Variants in STX7 observed in about 807,000 individuals in gnomAD.
STX7 encodes the protein syntaxin-7.
In STX7, 34 loss-of-function variants were observed where a neutral mutation model predicts 39.6. The observed-to-expected ratio is 0.86, with a 90% CI of 0.65 to 1.14. The LOEUF (loss-of-function observed/expected upper bound fraction) is 1.14. STX7 is among the 50% of genes most tolerant of loss of function. STX7 has a pLI of 0.00. For synonymous variants in STX7, 119 were observed against 99.1 expected (o/e 1.20, Z -1.19); for missense variants, 284 against 310.4 (o/e 0.92, Z 0.64).
chr6:132,505,770 G>C, intron 1 of STX7, among the ~76,000 whole-genome samples: 1 of 121,156 alleles, frequency 8.3e-6, no homozygotes, highest in Admixed American at 8.2e-5. Context: ...AAAAACACAG[G>C]TTTTGAATAG....
chr6:132,485,708 G>C (rs1775116699), intron 2 of STX7, among the ~76,000 whole-genome samples: 1 of 152,108 alleles, frequency 6.6e-6, no homozygotes, highest in Non-Finnish European at 1.5e-5. Flanking sequence ...TGCCAAATAG[G>C]TTAATAGTGG....
At chr6:132,501,409 G>A (rs1423918837) in intron 2 of STX7, among the ~76,000 whole-genome samples, 1 of 152,074 alleles carries the variant, frequency 6.6e-6, no homozygotes, top group Non-Finnish European at 1.5e-5. Flanking sequence ...ATCATAGCCA[G>A]ACCTTCACAT....
rs1562343799 is a variant in STX7, at chr6:132,509,517, A to ATAACATAAC, written c.-59+3489_-59+3490insGTTATGTTA. On this transcript the variant is annotated intron_variant, in intron 1 of 9. Coordinates refer to ENST00000367941, the MANE Select transcript of STX7 (RefSeq NM_003569.3). Reference sequence around the variant, plus strand: ...CATAACATAACATAACATAACATAAAATAAAAAAAGACAAAAGAAAAACCA... The same window carrying ATAACATAAC: ...CATAACATAACATAACATAACATAAATAACATAACATAAAAAAAGACAAAAGAAAAACCA... Among the ~76,000 whole-genome samples the ATAACATAAC allele has an allele frequency of 9.9e-5, 14 of 140,816 alleles. No homozygotes were observed. In the East Asian group the frequency reaches 1.0e-3, roughly 10 times the overall value. 92.4% of individuals were successfully genotyped at this position (140,816 alleles called of 152,430 possible).
rs749602323 is a variant in STX7 at position 132,472,303 on chromosome 6, C to A, written c.228G>T (p.Leu76=). 3.1e-6 allele frequency: 5 copies of A among 1,613,022 alleles called. No homozygotes were observed. Among genetic ancestry groups the A allele is most frequent in the Non-Finnish European group, 4.2e-6 (5 of 1,179,664 alleles). ...TDKYIKEFGS[L]PTTPSEQRQR... is the part of the protein sequence containing the mutation. The stretch of plus-strand genomic sequence containing the variant: ...ATACCTGTTCACTGGGGGTGGTGGG[C>A]AGAGATCCAAACTCTTTAATGTACT... Residue 76 remains leucine, a synonymous_variant, in exon 4 of 10, where the codon CTG becomes CTT. Transcript: ENST00000367941.
chr6:132,479,736 T>C (rs998770832), intron 2 of STX7, among the ~76,000 whole-genome samples: 1 of 152,182 alleles, frequency 6.6e-6, no homozygotes, highest in Admixed American at 6.5e-5. Context: ...TTTGCAGCAA[T>C]AGCAATCTCA....
At chr6:132,503,199 T>A (rs1335740558) in intron 2 of STX7, among the ~76,000 whole-genome samples, 1 of 152,250 alleles carries the variant, frequency 6.6e-6, no homozygotes, top group Admixed American at 6.5e-5. Flanking sequence ...TCCTTTTAAA[T>A]CTTTATTTTA....
chr6:132,446,800 G>GT lies in STX7; in HGVS notation c.*13957dup, dbSNP rs1339107908. 1 of 152,140 alleles carries GT rather than the reference G, an allele frequency of 6.6e-6. No individual in the cohort carries two copies. Among genetic ancestry groups the GT allele is most frequent in the African/African-American group, 2.4e-5 (1 of 41,434 alleles). The allele number at this position is 152,140 out of a possible 1,614,324, so 9.4% of individuals were successfully genotyped here. On this transcript the variant is annotated 3_prime_UTR_variant, in exon 10 of 10. Coordinates refer to ENST00000367941, the MANE Select transcript of STX7 (RefSeq NM_003569.3). Reference sequence around the variant, plus strand: ...GTCACAAGCTGATTGCCTAGAGTGGGTTTTTCCCCATCTCTGAACCAATCT... The same window carrying GT: ...GTCACAAGCTGATTGCCTAGAGTGGGTTTTTTCCCCATCTCTGAACCAATCT...
chr6:132,480,055 T>G (rs960872850), intron 2 of STX7, among the ~76,000 whole-genome samples: 19 of 152,184 alleles, frequency 1.2e-4, no homozygotes, highest in Non-Finnish European at 2.9e-5. Context: ...AAGCACCCAC[T>G]GTGCCCCCTG....
chr6:132,471,473 G>C lies in STX7; in HGVS notation c.377C>G (p.Ser126Cys). 2 of 1,613,562 alleles carry C rather than the reference G, an allele frequency of 1.2e-6. No homozygotes were observed. The highest frequency in any genetic ancestry group is 1.7e-6 in the Non-Finnish European group (2 of 1,179,758). The change falls in exon 5 of 10, where the codon TCC becomes TGC. Residue 126 changes from serine (S) to cysteine (C), a missense_variant. Coordinates refer to ENST00000367941, the MANE Select transcript of STX7 (RefSeq NM_003569.3). ...KEFVARVRAS[S>C]RVSGSFPEDS... is the part of the protein sequence containing the mutation. ...TTTTAAAATACTTACAGACACTCTG[G>C]AACTGGCTCTTACTCGAGCAACAAA...
chr6:132,467,693 A>G (rs1281053757), intron 8 of STX7, among the ~76,000 whole-genome samples: 1 of 152,230 alleles, frequency 6.6e-6, no homozygotes, highest in Non-Finnish European at 1.5e-5. Flanking sequence ...TGGATAAAAA[A>G]TAGTTACACT....
rs566749948 is a variant in STX7 at position 132,511,735 on chromosome 6, G to A, written c.-59+1272C>T. 3.9e-5 allele frequency among the ~76,000 whole-genome samples: 6 copies of A among 152,238 alleles called. No individual in the cohort carries two copies. In the South Asian group the frequency reaches 1.2e-3, roughly 32 times the overall value. On this transcript the variant is annotated intron_variant, in intron 1 of 9. Transcript: ENST00000367941. ...CTTGGTTTTAGTTCACAATACCGAGGATTGTTTTTTTCATACTTTCACACA... is the reference window on the plus strand; with the variant it reads ...CTTGGTTTTAGTTCACAATACCGAGAATTGTTTTTTTCATACTTTCACACA...
chr6:132,485,692 A>G (rs534518823), intron 2 of STX7, among the ~76,000 whole-genome samples: 39 of 152,310 alleles, frequency 2.6e-4, no homozygotes, highest in Non-Finnish European at 4.6e-4. Flanking sequence ...TCCGTCTTTT[A>G]AATTTTGCCA....
rs1249038868 is a variant in STX7 at position 132,448,048 on chromosome 6, TTC to T, written c.*12708_*12709del. On this transcript the variant is annotated 3_prime_UTR_variant, in exon 10 of 10. Transcript: ENST00000367941. Reference sequence around the variant, plus strand: ...ATTCTTTAAAGGTTATCTGAAAATTTTCTGTTAAGTACTTAGATTAACAACAT... The same window carrying T: ...ATTCTTTAAAGGTTATCTGAAAATTTTGTTAAGTACTTAGATTAACAACAT... The T allele has an allele frequency of 6.6e-6, 1 of 152,182 alleles. No homozygotes were observed. Among genetic ancestry groups the T allele is most frequent in the Non-Finnish European group, 1.5e-5 (1 of 68,024 alleles). 9.4% of individuals were successfully genotyped at this position (152,182 alleles called of 1,614,324 possible). A position where few individuals can be genotyped will look rare whatever the true frequency, so the allele number is the denominator to read the frequency against.
chr6:132,477,043 AT>A (rs1191288415), intron 2 of STX7, among the ~76,000 whole-genome samples: 1 of 152,146 alleles, frequency 6.6e-6, no homozygotes, highest in Admixed American at 6.5e-5. Context: ...ATGCAGGATA[AT>A]TTTGGTCACC....
chr6:132,475,655 T>C lies in STX7; in HGVS notation c.93A>G (p.Glu31=), dbSNP rs1414538316. The change falls in exon 3 of 10, where the codon GAA becomes GAG. Residue 31 remains glutamate, a synonymous_variant. Coordinates refer to ENST00000367941, the MANE Select transcript of STX7 (RefSeq NM_003569.3). ...NIQKITQCSV[E]IQRTLNQLGT... ...CAAGTTGATTCAGAGTTCTTTGTAT[T>C]TCCACAGCTATTATAATAGAAAATT... 3 of 1,604,394 alleles carry C rather than the reference T, an allele frequency of 1.9e-6. No individual in the cohort carries two copies. The highest frequency in any genetic ancestry group is 2.6e-6 in the Non-Finnish European group (3 of 1,174,782).
chr6:132,497,442 G>A (rs1022200925), intron 2 of STX7, among the ~76,000 whole-genome samples: 1 of 152,154 alleles, frequency 6.6e-6, no homozygotes, highest in African/African-American at 2.4e-5. Context: ...GGTTTTAGGG[G>A]ACTAAGGAAT....
intron 2 of STX7, among the ~76,000 whole-genome samples, chr6:132,484,847 T>G (rs767252343): frequency 3.3e-5 from 5 of 152,128 alleles, no homozygotes; most frequent in Admixed American, 6.5e-5. Flanking sequence ...CAAGCTATAA[T>G]TGCTTCAACA....
intron 2 of STX7, among the ~76,000 whole-genome samples, chr6:132,496,619 G>T (rs559312013): frequency 3.3e-5 from 5 of 152,236 alleles, no homozygotes; most frequent in African/African-American, 7.2e-5. Context: ...GTACCTGTTA[G>T]AAGAGTTTCG....
At chr6:132,499,721 C>T (rs961117311) in intron 2 of STX7, among the ~76,000 whole-genome samples, 2 of 152,096 alleles carry the variant, frequency 1.3e-5, no homozygotes, top group South Asian at 4.1e-4. Context: ...CTTCTCTTTC[C>T]TCACTCTTAC....
Sources: gnomAD v4.1 joint callset for allele counts (sites outside exome capture counted in the v4.1 genomes callset) on GRCh38, gnomAD v4.1.1 for gene constraint, MANE v1.5 for transcripts, NCBI Gene and HGNC (gene_info 2026-07-23, HGNC 2026-07-21) for gene names.